Variants in ADSL observed in about 807,000 individuals in gnomAD.
ADSL encodes adenylosuccinate lyase.
In ADSL, 44 loss-of-function variants were observed where a neutral mutation model predicts 62.1. The ratio of observed to expected loss-of-function variants is 0.71; its 90% confidence interval spans 0.56 to 0.91. The LOEUF is 0.91. Ranked by LOEUF, ADSL falls within the 40% of genes least tolerant of loss-of-function variation. The probability of loss-of-function intolerance (pLI) is 0.00; values close to 1 mark genes in which losing one functional copy is unlikely to be tolerated. For missense variants in ADSL, 531 were observed against 627.4 expected, an observed-to-expected ratio of 0.85 and a Z score of 1.64; for synonymous variants, 198 against 220.5, an observed-to-expected ratio of 0.90 and a Z score of 0.90.
chr22:40,357,902 G>T (rs1020256618), intron 4 of ADSL, among the ~76,000 whole-genome samples: 2 of 151,914 alleles, frequency 1.3e-5, no homozygotes, highest in African/African-American at 4.8e-5. Flanking sequence ...CTCCCAAGTA[G>T]CTGGGATTAC....
intron 3 of ADSL, 132 bp from the exon 4 acceptor site, chr22:40,354,116 A>C: frequency 1.1e-6 from 1 of 872,794 alleles, no homozygotes; most frequent in Admixed American, 1.7e-5. Flanking sequence ...ACAAAGATGG[A>C]AGGATATGGC....
At chr22:40,358,427 T>A (rs2044648863) in intron 4 of ADSL, among the ~76,000 whole-genome samples, 1 of 151,946 alleles carries the variant, frequency 6.6e-6, no homozygotes, top group Non-Finnish European at 1.5e-5. Flanking sequence ...CTACAAAAAA[T>A]TTAAAAATTA....
At chr22:40,364,056 G>A (rs1207503166) in intron 10 of ADSL, among the ~76,000 whole-genome samples, 1 of 150,978 alleles carries the variant, frequency 6.6e-6, no homozygotes, top group African/African-American at 2.4e-5. Flanking sequence ...CAGCCTGGGC[G>A]ACAGAGTGAG....
intron 2 of ADSL, among the ~76,000 whole-genome samples, chr22:40,379,074 CATTTT>C (rs1417999475): frequency 2.6e-5 from 4 of 152,218 alleles, no homozygotes; most frequent in Admixed American, 6.5e-5. Flanking sequence ...CTTCCTGCCT[CATTTT>C]ACTCTGTAGC....
At chr22:40,381,584 CA>C (rs1165241292) in intron 2 of ADSL, among the ~76,000 whole-genome samples, 2 of 152,096 alleles carry the variant, frequency 1.3e-5, no homozygotes, top group African/African-American at 4.8e-5. Flanking sequence ...TGGAAAAGAA[CA>C]AATGATAAAT....
intron 7 of ADSL, chr22:40,360,988 A>G: frequency 2.2e-6 from 1 of 456,686 alleles, no homozygotes; most frequent in Non-Finnish European, 4.1e-6. Context: ...GGTGTGAGCC[A>G]CCGCGCCCAT....
chr22:40,353,052 T>C, intron 2 of ADSL, 21 bp from the exon 3 acceptor site: 1 of 1,607,774 alleles, frequency 6.2e-7, no homozygotes, highest in Non-Finnish European at 8.5e-7. Flanking sequence ...AAATATAAGA[T>C]CATTGCATTT....
At chr22:40,352,409 T>A (rs2044382942) in intron 2 of ADSL, among the ~76,000 whole-genome samples, 1 of 152,052 alleles carries the variant, frequency 6.6e-6, no homozygotes, top group South Asian at 2.1e-4. Flanking sequence ...GTGCCTGTAG[T>A]CCCAGCTACT....
In ADSL at chr22:40,361,723, C is replaced by A. The variant is rs149530129; in HGVS notation, c.1010+88C>A. ...AGTAAAAGGACATATTTGAGCATCT[C>A]TACAGTCTCCTTATCCCCAAGGATC... On this transcript the variant is annotated intron_variant, in intron 9 of 12. Transcript: ENST00000623063. 5.9e-4 allele frequency: 900 copies of A among 1,519,784 alleles called. 1 individual carries two copies. Among genetic ancestry groups the A allele is most frequent in the Non-Finnish European group, 7.6e-4 (841 of 1,111,918 alleles). 94.1% of individuals were successfully genotyped at this position (1,519,784 alleles called of 1,614,324 possible).
At chr22:40,347,030 C>T (rs556293865) in intron 1 of ADSL, among the ~76,000 whole-genome samples, 1 of 152,352 alleles carries the variant, frequency 6.6e-6, no homozygotes, top group South Asian at 2.1e-4. Context: ...AGACACCGAG[C>T]GCTTGTTTCG....
rs796052245 is a variant in ADSL at position 40,361,308 on chromosome 22, G to C, written c.828G>C (p.Lys276Asn). The C allele has an allele frequency of 1.2e-6, 2 of 1,614,176 alleles. No individual in the cohort carries two copies. Among genetic ancestry groups the C allele is most frequent in the Admixed American group, 3.3e-5 (2 of 60,010 alleles). Residue 276 changes from lysine (K) to asparagine (N), a missense_variant, in exon 8 of 13, where the codon AAG becomes AAC. By Grantham distance (94) the Lys-to-Asn change is moderately conservative. Transcript: ENST00000623063. ...CTDIRLLANL[K>N]EMEEPFEKQQ... ...ACATACGCCTCCTGGCAAACCTCAAGGAGATGGAGGAACCCTTTGAAAAAC... is the reference window on the plus strand; with the variant it reads ...ACATACGCCTCCTGGCAAACCTCAACGAGATGGAGGAACCCTTTGAAAAAC...
chr22:40,367,422 C>T lies in ADSL; in HGVS notation c.*900C>T, dbSNP rs1198855724. The stretch of plus-strand genomic sequence containing the variant: ...AAAGTTCTGGGATTATAGACATGAG[C>T]CACCACACCCAGCCTAATCTTGTTT... On this transcript the variant is annotated 3_prime_UTR_variant, in exon 13 of 13. Coordinates refer to ENST00000623063, the MANE Select transcript of ADSL (RefSeq NM_000026.4). The T allele has an allele frequency of 4.2e-5, 7 of 166,164 alleles. No homozygotes were observed. Among genetic ancestry groups the T allele is most frequent in the Non-Finnish European group, 7.3e-5 (5 of 68,192 alleles). The allele number at this position is 166,164 out of a possible 1,614,324, so 10.3% of individuals were successfully genotyped here.
Position 40,360,451 on chromosome 22 carries a change from G to T in ADSL, c.751G>T (p.Val251Leu). The T allele has an allele frequency of 6.2e-7, 1 of 1,614,120 alleles. No homozygotes were observed. Among genetic ancestry groups the T allele is most frequent in the South Asian group, 1.1e-5 (1 of 91,082 alleles). The change falls in exon 7 of 13, where the codon GTA becomes TTA. Residue 251 changes from valine (V) to leucine (L), a missense_variant. Around this residue, in one of 2 missense-constraint regions of ADSL, gnomAD observed 471 missense variants for 592.9 expected, o/e 0.79. Coordinates refer to ENST00000623063, the MANE Select transcript of ADSL (RefSeq NM_000026.4). ...ATATACACGAAAAGTGGATATTGAA[G>T]TACTGTCTGTGCTGGCTAGCTTGGG... The part of the protein sequence containing the change: ...QTYTRKVDIE[V>L]LSVLASLGAS...
At chr22:40,372,763 T>TA (rs1415666082), downstream of ADSL, 1 of 152,160 alleles carries the variant, frequency 6.6e-6, no homozygotes, top group African/African-American at 2.4e-5. Flanking sequence ...CTCAGAAGCT[T>TA]AAAAAAAGCT....
chr22:40,358,758 T>C (rs1296333439), intron 4 of ADSL, 106 bp from the exon 5 acceptor site: 27 of 1,033,958 alleles, frequency 2.6e-5, no homozygotes, highest in Non-Finnish European at 3.9e-5. Flanking sequence ...CTTACTTAAA[T>C]TGTTCTCCCT....
At chr22:40,350,225 A>G (rs1391560484) in intron 2 of ADSL, 190 bp downstream of exon 2, 1 of 574,950 alleles carries the variant, frequency 1.7e-6, no homozygotes, top group South Asian at 2.0e-5. Context: ...CTGGGTTCAC[A>G]CCATTCTCCT....
chr22:40,366,280 A>G (rs1435404960), intron 12 of ADSL, among the ~76,000 whole-genome samples, 156 bp from the exon 13 acceptor site: 1 of 152,254 alleles, frequency 6.6e-6, no homozygotes, highest in Non-Finnish European at 1.5e-5. Flanking sequence ...GTGTCTAGGC[A>G]GAAATTCCTG....
chr22:40,353,187 C>G, intron 3 of ADSL, 70 bp downstream of exon 3: 6 of 1,221,888 alleles, frequency 4.9e-6, no homozygotes, highest in Non-Finnish European at 7.3e-6. Context: ...CCAGTTACAA[C>G]TAAATCAACA....
intron 2 of ADSL, among the ~76,000 whole-genome samples, chr22:40,383,092 T>C (rs975353045): frequency 2.0e-5 from 3 of 152,330 alleles, no homozygotes; most frequent in South Asian, 2.1e-4. Flanking sequence ...CTAAGTACTG[T>C]AGTAGGTGCT....
Sources: allele counts gnomAD v4.1 joint callset (sites outside exome capture counted in the v4.1 genomes callset), GRCh38; gene constraint gnomAD v4.1.1; regional missense constraint gnomAD v4.1.1; transcripts MANE v1.5; gene names NCBI Gene and HGNC (gene_info 2026-07-23, HGNC 2026-07-21).